Variants in SCN3B observed in about 807,000 individuals in gnomAD.
SCN3B encodes the protein sodium channel regulatory subunit beta-3.
SCN3B carries 11 observed loss-of-function variants against 25.4 expected under a neutral mutation model. That is an observed-to-expected ratio of 0.43 (90% CI 0.27 to 0.72). The LOEUF (loss-of-function observed/expected upper bound fraction) is 0.72, where lower values mean the gene tolerates loss of function less well. Ranked by LOEUF, SCN3B falls within the 30% of genes least tolerant of loss-of-function variation. SCN3B has a pLI of 0.18. For synonymous variants in SCN3B, 109 were observed against 110.7 expected, an observed-to-expected ratio of 0.99 and a Z score of 0.09; for missense variants, 218 against 278.3, an observed-to-expected ratio of 0.78 and a Z score of 1.54.
chr11:123,638,015 C>T (rs898750388), intron 5 of SCN3B, among the ~76,000 whole-genome samples, 171 bp downstream of exon 5: 6 of 152,114 alleles, frequency 3.9e-5, no homozygotes, highest in Non-Finnish European at 7.4e-5. Flanking sequence ...GCCAACTCTC[C>T]GAAATTCAGT....
At chr11:123,638,551 C>G (rs926440217) in intron 4 of SCN3B, 16 of 571,786 alleles carry the variant, frequency 2.8e-5, no homozygotes, top group Non-Finnish European at 4.3e-5. Flanking sequence ...AAGAAGTAGC[C>G]GAGCAGTGGA....
At position 123,634,533 on chromosome 11, in the gene SCN3B, G is replaced by A. The variant is rs543886248; in HGVS notation, c.585-327C>T. 2.6e-5 allele frequency among the ~76,000 whole-genome samples: 4 copies of A among 152,288 alleles called. No homozygotes were observed. The South Asian group carries it at 8.3e-4, about 32-fold the overall frequency. On this transcript the variant is annotated intron_variant, in intron 5 of 6. Coordinates refer to ENST00000299333, the MANE Select transcript of SCN3B (RefSeq NM_001040151.2). ...AGGCAGGAAAATTGCTTGAGCCCAGGAGTTCAAGACCAGCCTGGGCAACAT... is the reference window on the plus strand; with the variant it reads ...AGGCAGGAAAATTGCTTGAGCCCAGAAGTTCAAGACCAGCCTGGGCAACAT...
At chr11:123,647,156 G>A (rs1565497591) in intron 2 of SCN3B, among the ~76,000 whole-genome samples, 1 of 152,110 alleles carries the variant, frequency 6.6e-6, no homozygotes, top group Non-Finnish European at 1.5e-5. Flanking sequence ...CTAAGAGAGT[G>A]TACACAGCAT....
chr11:123,645,501 G>T, intron 3 of SCN3B, 86 bp downstream of exon 3: 1 of 1,365,858 alleles, frequency 7.3e-7, no homozygotes, highest in Non-Finnish European at 1.0e-6. Context: ...GTGTTTGCTA[G>T]CTTGGCATCC....
Position 123,642,349 on chromosome 11 carries a change from G to T in SCN3B, c.445+97C>A. Reference sequence around the variant, plus strand: ...CACCATTCCAAATACATGGGTTTTTGCACTCTTTAAGGGCCTCACTCGTGG... The same window carrying T: ...CACCATTCCAAATACATGGGTTTTTTCACTCTTTAAGGGCCTCACTCGTGG... On this transcript the variant is annotated intron_variant, in intron 4 of 6. Coordinates refer to ENST00000299333, the MANE Select transcript of SCN3B (RefSeq NM_001040151.2). The surrounding 1 kb of genome is among the most constrained non-coding windows in gnomAD (Gnocchi z 4.3). The T allele has an allele frequency of 8.6e-7, 1 of 1,161,186 alleles. No individual in the cohort carries two copies. Among genetic ancestry groups the T allele is most frequent in the Non-Finnish European group, 1.3e-6 (1 of 776,084 alleles). The allele number at this position is 1,161,186 out of a possible 1,614,324, so 71.9% of individuals were successfully genotyped here.
Position 123,642,410 on chromosome 11 carries a change from G to A in SCN3B, c.445+36C>T, listed in dbSNP as rs149273271. The A allele has an allele frequency of 2.1e-4, 339 of 1,598,464 alleles. 1 individual carries two copies. In the African/African-American group the frequency reaches 3.9e-3, roughly 19 times the overall value. ...TCCTACCCTTCCCTGTCCACAGAGA[G>A]CAGGACGCCCTAGAGACCCTGTGCC... is the stretch of plus-strand genomic sequence containing the variant. On this transcript the variant is annotated intron_variant, in intron 4 of 6. Transcript: ENST00000299333. The surrounding 1 kb of genome is among the most constrained non-coding windows in gnomAD (Gnocchi z 4.3).
intron 4 of SCN3B, chr11:123,641,153 A>AC (rs72552142): frequency 0.013 from 1,981 of 152,446 alleles, 26 homozygotes; most frequent in Middle Eastern, 0.051. Context: ...CCAGGGCCCC[A>AC]CCCCCCAGAG....
At chr11:123,644,792 AGAGAGAGAATATATATATATAT>A (rs1435309905) in intron 3 of SCN3B, among the ~76,000 whole-genome samples, 7 of 81,588 alleles carry the variant, frequency 8.6e-5, no homozygotes, top group African/African-American at 3.1e-4. Flanking sequence ...AGAGAGAGAG[AGAGAGAGAATATATATATATAT>A]ATATATATAT....
intron 5 of SCN3B, among the ~76,000 whole-genome samples, chr11:123,636,414 C>T (rs769151695): frequency 6.6e-6 from 1 of 152,160 alleles, no homozygotes; most frequent in Non-Finnish European, 1.5e-5. Flanking sequence ...ACTTGGTCTT[C>T]ACCTAGGATT....
At chr11:123,644,167 G>A (rs1955821384) in intron 3 of SCN3B, among the ~76,000 whole-genome samples, 1 of 152,134 alleles carries the variant, frequency 6.6e-6, no homozygotes, top group Admixed American at 6.5e-5. Context: ...TAACTTCTTT[G>A]AGCCTCAGTT....
chr11:123,651,980 T>C (rs551468341), intron 2 of SCN3B, among the ~76,000 whole-genome samples: 1 of 152,312 alleles, frequency 6.6e-6, no homozygotes, highest in East Asian at 1.9e-4. Flanking sequence ...AAGGTTGTTA[T>C]ATAGTAAGCT....
At chr11:123,645,876 G>GA in intron 2 of SCN3B, 126 bp from the exon 3 acceptor site, 2 of 1,034,220 alleles carry the variant, frequency 1.9e-6, no homozygotes, top group Non-Finnish European at 2.9e-6. Flanking sequence ...AGGCCAACCT[G>GA]AAAAAAGCCA....
rs899460219 is a variant in SCN3B, at chr11:123,632,444, C to T, written c.*1355G>A. ...AGAGTTGACCTCAGCCCAGTCCGTG[C>T]TTGTGAAAGAAGCATTGCCATAGAC... On this transcript the variant is annotated 3_prime_UTR_variant, in exon 7 of 7. Coordinates refer to ENST00000299333, the MANE Select transcript of SCN3B (RefSeq NM_001040151.2). 2 of 152,192 alleles carry T rather than the reference C, an allele frequency of 1.3e-5. No homozygotes were observed. Among genetic ancestry groups the T allele is most frequent in the African/African-American group, 4.8e-5 (2 of 41,460 alleles). The allele number at this position is 152,192 out of a possible 1,614,324, so 9.4% of individuals were successfully genotyped here.
intron 5 of SCN3B, among the ~76,000 whole-genome samples, chr11:123,637,719 G>A (rs750635864): frequency 5.9e-5 from 9 of 151,838 alleles, no homozygotes; most frequent in Non-Finnish European, 1.3e-4. Flanking sequence ...TAGTAGAGAC[G>A]GGATTTCACC....
chr11:123,634,322 C>T (rs1565493677), intron 5 of SCN3B, 116 bp from the exon 6 acceptor site: 8 of 819,294 alleles, frequency 9.8e-6, no homozygotes, highest in South Asian at 4.2e-5. Flanking sequence ...GCATTTCCTT[C>T]TGCTGTGTTT....
Position 123,640,185 on chromosome 11 carries a change from T to A in SCN3B, c.446-1861A>T, listed in dbSNP as rs181697474. 3 of 152,340 alleles carry A rather than the reference T, an allele frequency of 2.0e-5. No homozygotes were observed. The East Asian group carries it at 5.8e-4, about 29-fold the overall frequency. The allele number at this position is 152,340 out of a possible 1,614,324, so 9.4% of individuals were successfully genotyped here. A position where few individuals can be genotyped will look rare whatever the true frequency, so the allele number is the denominator to read the frequency against. ...GAGAATGCCGTACAGCTCAAACATC[T>A]CACCGCCTTGCTACCACCTCGTGCA... On this transcript the variant is annotated intron_variant, in intron 4 of 6. Coordinates refer to ENST00000299333, the MANE Select transcript of SCN3B (RefSeq NM_001040151.2).
chr11:123,645,506 G>T, intron 3 of SCN3B, 81 bp downstream of exon 3: 2 of 1,411,096 alleles, frequency 1.4e-6, no homozygotes, highest in Non-Finnish European at 2.0e-6. Context: ...TGCTAGCTTG[G>T]CATCCCCCGG....
In SCN3B at chr11:123,653,728, G is replaced by A. The variant is rs1473926057; in HGVS notation, c.55+19C>T. On this transcript the variant is annotated intron_variant, in intron 2 of 6. Coordinates refer to ENST00000299333, the MANE Select transcript of SCN3B (RefSeq NM_001040151.2). ...GTTACTGTTACCTGCATCCGGCATGGCGAGGTGCTGGTACTTACCCCAGTA... is the reference window on the plus strand; with the variant it reads ...GTTACTGTTACCTGCATCCGGCATGACGAGGTGCTGGTACTTACCCCAGTA... 3 of 1,613,542 alleles carry A rather than the reference G, an allele frequency of 1.9e-6. No homozygotes were observed. The highest frequency in any genetic ancestry group is 1.7e-5 in the Admixed American group (1 of 60,010).
intron 2 of SCN3B, among the ~76,000 whole-genome samples, chr11:123,649,854 C>T (rs1276671148): frequency 6.6e-6 from 1 of 152,070 alleles, no homozygotes; most frequent in Non-Finnish European, 1.5e-5. Flanking sequence ...CAGGCACCTG[C>T]CATCACGCCC....
Sources: allele counts gnomAD v4.1 joint callset (sites outside exome capture counted in the v4.1 genomes callset), GRCh38; gene constraint gnomAD v4.1.1; non-coding constraint Gnocchi (gnomAD v3.1); transcripts MANE v1.5; gene names NCBI Gene and HGNC (gene_info 2026-07-23, HGNC 2026-07-21).